GNAL: variants seen among roughly 807,000 people sequenced by gnomAD.
The protein encoded by GNAL is G protein subunit alpha L, also known as guanine nucleotide-binding protein G(olf) subunit alpha.
GNAL carries 18 observed loss-of-function variants against 55.1 expected under a neutral mutation model. That is an observed-to-expected ratio of 0.33 (90% CI 0.23 to 0.48). The LOEUF is 0.48. Among genes scored for constraint, GNAL ranks in the 20% least tolerant of loss-of-function variants. The pLI, the probability that GNAL is intolerant of heterozygous loss-of-function variation, is 0.99. For synonymous variants in GNAL, 253 were observed against 237.0 expected (o/e 1.07, Z -0.62); for missense variants, 412 against 614.1 (o/e 0.67, Z 3.48).
chr18:11,737,766 G>C (rs1468055444), intron 1 of GNAL, among the ~76,000 whole-genome samples: 1 of 152,240 alleles, frequency 6.6e-6, no homozygotes. Context: ...TATCAGCCCA[G>C]AGGAAGGGAA....
chr18:11,783,254 C>A (rs12326439), intron 4 of GNAL, among the ~76,000 whole-genome samples: 47,663 of 152,036 alleles, frequency 0.31, 8,749 homozygotes, highest in African/African-American at 0.52. Context: ...TTTTAGAGCC[C>A]AGCTCCCCTC....
Position 11,752,837 on chromosome 18 carries a change from T to C in GNAL, c.377-16T>C. ...ATCCGGACACAGATCACAGCGTTCTTTCTGTTTGTTTGCAGGGGCTGGTGA... is the reference window on the plus strand; with the variant it reads ...ATCCGGACACAGATCACAGCGTTCTCTCTGTTTGTTTGCAGGGGCTGGTGA... On this transcript the variant is annotated splice_polypyrimidine_tract_variant and intron_variant, in intron 1 of 11. Transcript: ENST00000334049. The surrounding 1 kb of genome is among the most constrained non-coding windows in gnomAD (Gnocchi z 4.5). The C allele has an allele frequency of 6.3e-7, 1 of 1,582,478 alleles. No homozygotes were observed. The highest frequency in any genetic ancestry group is 8.7e-7 in the Non-Finnish European group (1 of 1,151,402).
intron 4 of GNAL, among the ~76,000 whole-genome samples, chr18:11,758,641 C>T (rs1482182671): frequency 3.3e-5 from 5 of 152,118 alleles, no homozygotes; most frequent in Non-Finnish European, 7.3e-5. Flanking sequence ...TAGAAAAGTA[C>T]TGGGATTAGC....
At chr18:11,854,444 A>C (rs2035956133) in intron 5 of GNAL, 1 of 167,100 alleles carries the variant, frequency 6.0e-6, no homozygotes, top group Non-Finnish European at 1.5e-5. Flanking sequence ...TTTAAACTGC[A>C]TGTTATTGGA....
At chr18:11,852,008 T>C (rs1598428505) in intron 5 of GNAL, 1 of 1,613,428 alleles carries the variant, frequency 6.2e-7, no homozygotes. Context: ...GACCTCAACA[T>C]GGAGCTGCCG....
chr18:11,862,186 A>G (rs918689723), intron 5 of GNAL, among the ~76,000 whole-genome samples: 10 of 152,104 alleles, frequency 6.6e-5, no homozygotes, highest in African/African-American at 2.4e-4. Context: ...AAAAAAAGAA[A>G]AAAAAAGAAT....
chr18:11,847,519 G>T (rs2035766132), intron 5 of GNAL, among the ~76,000 whole-genome samples: 1 of 151,532 alleles, frequency 6.6e-6, no homozygotes, highest in Non-Finnish European at 1.5e-5. Context: ...AGTAAGGAAA[G>T]AAATCAGCCA....
chr18:11,699,369 G>GT lies in GNAL; in HGVS notation c.376+9430_376+9431insT, dbSNP rs527310346. On this transcript the variant is annotated intron_variant, in intron 1 of 11. Coordinates refer to ENST00000334049, the MANE Select transcript of GNAL (RefSeq NM_182978.4). ...ACCACCACACCTGGCTAATTTTTGG[G>GT]GTTTTTTTTTTATTTTTGTATTTTT... is the stretch of plus-strand genomic sequence containing the variant. Among the ~76,000 whole-genome samples, 747 of 151,082 alleles carry GT rather than the reference G, an allele frequency of 4.9e-3. 6 individuals carry two copies. Among genetic ancestry groups the GT allele is most frequent in the African/African-American group, 0.017 (715 of 40,986 alleles).
At chr18:11,812,769 G>A (rs1447775727) in intron 4 of GNAL, among the ~76,000 whole-genome samples, 1 of 152,042 alleles carries the variant, frequency 6.6e-6, no homozygotes, top group Non-Finnish European at 1.5e-5. Context: ...ACTTGAACCT[G>A]GGAGGCGGAG....
intron 5 of GNAL, among the ~76,000 whole-genome samples, chr18:11,849,727 G>C (rs1394340044): frequency 6.6e-6 from 1 of 152,062 alleles, no homozygotes; most frequent in Non-Finnish European, 1.5e-5. Context: ...TTCTAGAAAA[G>C]TTTCATTTGG....
At chr18:11,796,600 A>AAAAAAAAAAC (rs1210327904) in intron 4 of GNAL, among the ~76,000 whole-genome samples, 6 of 149,772 alleles carry the variant, frequency 4.0e-5, no homozygotes, top group African/African-American at 9.9e-5. Context: ...AAAAAACAAA[A>AAAAAAAAAAC]CACGCAACCT....
intron 9 of GNAL, 142 bp from the exon 10 acceptor site, chr18:11,872,126 G>T: frequency 5.0e-6 from 3 of 600,422 alleles, no homozygotes; most frequent in South Asian, 4.2e-5. Context: ...ATGGAATGAG[G>T]ATACTGGTGT....
chr18:11,770,018 A>T (rs1458245090), intron 4 of GNAL, among the ~76,000 whole-genome samples: 3 of 152,208 alleles, frequency 2.0e-5, no homozygotes, highest in Non-Finnish European at 2.9e-5. Context: ...GAATCATAGG[A>T]AGGGAAAATG....
At chr18:11,691,951 A>G (rs150724221) in intron 1 of GNAL, among the ~76,000 whole-genome samples, 3 of 152,316 alleles carry the variant, frequency 2.0e-5, no homozygotes, top group Non-Finnish European at 2.9e-5. Flanking sequence ...GAGCTTAGCT[A>G]TAGCAAATAC....
In GNAL at chr18:11,852,613, GTTTT is replaced by G. The variant is rs59761845; in HGVS notation, c.723-9771_723-9768del. The stretch of plus-strand genomic sequence containing the variant: ...GTTTATCCTTTGGGTTTTGGTTTTT[GTTTT>G]TTTTTTTTTTGCCTTCACAGTGAGA... On this transcript the variant is annotated intron_variant, in intron 5 of 11. Coordinates refer to ENST00000334049, the MANE Select transcript of GNAL (RefSeq NM_182978.4). 482 of 152,662 alleles carry G rather than the reference GTTTT, an allele frequency of 3.2e-3. 3 individuals carry two copies. Among genetic ancestry groups the G allele is most frequent in the African/African-American group, 0.011 (417 of 38,990 alleles). The allele number at this position is 152,662 out of a possible 1,614,324, so 9.5% of individuals were successfully genotyped here. A position where few individuals can be genotyped will look rare whatever the true frequency, so the allele number is the denominator to read the frequency against.
chr18:11,722,124 C>G (rs1035536199), intron 1 of GNAL, among the ~76,000 whole-genome samples: 1 of 152,064 alleles, frequency 6.6e-6, no homozygotes, highest in African/African-American at 2.4e-5. Context: ...TAATGTTGTT[C>G]CCAACATTCT....
At chr18:11,875,939 A>G (rs1219573501) in intron 10 of GNAL, among the ~76,000 whole-genome samples, 1 of 151,782 alleles carries the variant, frequency 6.6e-6, no homozygotes, top group Admixed American at 6.6e-5. Context: ...TTTCCTCCTC[A>G]CATGGTGGAG....
chr18:11,814,029 T>C (rs2034889988), intron 4 of GNAL, among the ~76,000 whole-genome samples: 1 of 152,106 alleles, frequency 6.6e-6, no homozygotes. Context: ...CCTTACACCA[T>C]ACCCAAAAAC....
rs2036315568 is a variant in GNAL, at chr18:11,868,428, T to C, written c.911-115T>C. On this transcript the variant is annotated intron_variant, in intron 8 of 11. Coordinates refer to ENST00000334049, the MANE Select transcript of GNAL (RefSeq NM_182978.4). This position sits in a 1 kb window ranked among gnomAD's most constrained non-coding sequence, Gnocchi z 4.0. ...TGCAGGCTGTTCTGTGACTGAATAG[T>C]CCTATCACTGAATGAATGTTTTTGT... is the stretch of plus-strand genomic sequence containing the variant. The C allele has an allele frequency of 3.4e-6, 3 of 877,364 alleles. No individual in the cohort carries two copies. Among genetic ancestry groups the C allele is most frequent in the Non-Finnish European group, 5.3e-6 (3 of 561,880 alleles). 54.3% of individuals were successfully genotyped at this position (877,364 alleles called of 1,614,324 possible). A position where few individuals can be genotyped will look rare whatever the true frequency, so the allele number is the denominator to read the frequency against.
Sources: gnomAD v4.1 joint callset for allele counts (sites outside exome capture counted in the v4.1 genomes callset) on GRCh38, gnomAD v4.1.1 for gene constraint, Gnocchi (gnomAD v3.1) non-coding constraint, MANE v1.5 for transcripts, NCBI Gene and HGNC (gene_info 2026-07-23, HGNC 2026-07-21) for gene names.